CSPP1: variants seen among roughly 807,000 people sequenced by gnomAD.
The protein encoded by CSPP1 is centrosome and spindle pole associated protein 1.
In CSPP1, 126 loss-of-function variants were observed where a neutral mutation model predicts 164.4. That is an observed-to-expected ratio of 0.77 (90% confidence interval 0.66 to 0.89). CSPP1 has a LOEUF of 0.89. CSPP1 is among the 40% of genes least tolerant of loss of function. The probability of loss-of-function intolerance (pLI) is 0.00; values close to 1 mark genes in which losing one functional copy is unlikely to be tolerated. For synonymous variants in CSPP1, 472 were observed against 476.7 expected, an observed-to-expected ratio of 0.99 and a Z score of 0.13; for missense variants, 1,395 against 1,449.8, an observed-to-expected ratio of 0.96 and a Z score of 0.61.
chr8:67,105,747 C>T (rs1815368127), intron 8 of CSPP1, among the ~76,000 whole-genome samples, 158 bp from the exon 9 acceptor site: 1 of 152,082 alleles, frequency 6.6e-6, no homozygotes, highest in African/African-American at 2.4e-5. Context: ...AGATAGAATG[C>T]CATGATTTTA....
intron 15 of CSPP1, among the ~76,000 whole-genome samples, chr8:67,124,374 C>A (rs946750351): frequency 6.6e-6 from 1 of 152,122 alleles, no homozygotes; most frequent in Non-Finnish European, 1.5e-5. Flanking sequence ...CAAACCTTTT[C>A]TCTAATATAA....
intron 21 of CSPP1, among the ~76,000 whole-genome samples, chr8:67,159,852 T>TTTC (rs1827491283): frequency 1.3e-4 from 6 of 47,596 alleles, no homozygotes; most frequent in East Asian, 1.1e-3. Flanking sequence ...CTTTCTTTCT[T>TTTC]TTTCTTTCTT....
At chr8:67,104,598 CT>C (rs765234745) in intron 8 of CSPP1, among the ~76,000 whole-genome samples, 5 of 150,154 alleles carry the variant, frequency 3.3e-5, no homozygotes, top group South Asian at 4.2e-4. Context: ...CTTTCTTTTC[CT>C]TTTTTTTTAT....
intron 15 of CSPP1, among the ~76,000 whole-genome samples, chr8:67,124,598 TCAAA>T (rs374291576): frequency 5.8e-4 from 88 of 152,226 alleles, no homozygotes; most frequent in African/African-American, 1.9e-3. Context: ...ACTCCTGGGC[TCAAA>T]CAGTCTTCCC....
intron 22 of CSPP1, among the ~76,000 whole-genome samples, chr8:67,163,363 G>A (rs1247784070): frequency 1.3e-5 from 2 of 152,126 alleles, no homozygotes; most frequent in Admixed American, 6.6e-5. Context: ...AAGAAAGGGA[G>A]AGGTTTTTAC....
intron 21 of CSPP1, among the ~76,000 whole-genome samples, chr8:67,161,455 A>G (rs1056775361): frequency 6.6e-6 from 1 of 152,104 alleles, no homozygotes; most frequent in Non-Finnish European, 1.5e-5. Context: ...GGATTTTGTT[A>G]TTTAATTTTT....
chr8:67,094,856 A>C (rs947501394), intron 6 of CSPP1, among the ~76,000 whole-genome samples: 27 of 152,266 alleles, frequency 1.8e-4, no homozygotes, highest in Admixed American at 9.8e-4. Context: ...CTGTCTCCAG[A>C]TCTTCCTGAC....
At chr8:67,084,062 T>C (rs1248556865) in intron 3 of CSPP1, 1 of 152,192 alleles carries the variant, frequency 6.6e-6, no homozygotes. Context: ...TTTAGTTTTA[T>C]ATATGATGTT....
At chr8:67,192,239 T>C (rs1347882580) in intron 29 of CSPP1, among the ~76,000 whole-genome samples, 1 of 152,094 alleles carries the variant, frequency 6.6e-6, no homozygotes, top group Non-Finnish European at 1.5e-5. Context: ...CACGCCTGGC[T>C]AAGTTTTGTA....
At chr8:67,118,710 A>C in intron 14 of CSPP1, 33 bp from the exon 15 acceptor site, 1 of 1,439,292 alleles carries the variant, frequency 6.9e-7, no homozygotes, top group Non-Finnish European at 9.6e-7. Flanking sequence ...TATTCTAAAT[A>C]AACTTTTTTT....
chr8:67,144,539 A>C (rs1824112250), intron 17 of CSPP1, among the ~76,000 whole-genome samples: 1 of 152,100 alleles, frequency 6.6e-6, no homozygotes. Flanking sequence ...TCCTAGGCCG[A>C]AGCAATTCTG....
intron 29 of CSPP1, 52 bp downstream of exon 29, chr8:67,190,811 GGGTT>G: frequency 1.5e-6 from 2 of 1,330,394 alleles, no homozygotes; most frequent in Non-Finnish European, 2.2e-6. Context: ...TGAGAGGTCT[GGGTT>G]CTGACCTGTG....
chr8:67,096,565 C>CAAA (rs531704184), intron 7 of CSPP1, among the ~76,000 whole-genome samples: 1 of 117,014 alleles, frequency 8.5e-6, no homozygotes, highest in Non-Finnish European at 1.8e-5. Context: ...ACTCTGTCTC[C>CAAA]AAAAAAAAAA....
In CSPP1 at chr8:67,159,129, G is replaced by A. The variant is rs909732603; in HGVS notation, c.2530G>A (p.Glu844Lys). ...YCERDNLIGE[E>K]TKHMRQPSPI... ...TGAAAGAGACAATTTGATTGGGGAA[G>A]AAACAAAGGTAAGTTTCAGACAAAA... Residue 844 changes from glutamate (E) to lysine (K), a missense_variant, in exon 21 of 31, where the codon GAA becomes AAA. Coordinates refer to ENST00000678616, the MANE Select transcript of CSPP1 (RefSeq NM_001382391.1). 25 of 1,596,950 alleles carry A rather than the reference G, an allele frequency of 1.6e-5. No individual in the cohort carries two copies. Among genetic ancestry groups the A allele is most frequent in the Middle Eastern group, 1.7e-4 (1 of 5,994 alleles).
At chr8:67,192,271 C>T (rs996433322) in intron 29 of CSPP1, among the ~76,000 whole-genome samples, 1 of 152,002 alleles carries the variant, frequency 6.6e-6, no homozygotes. Context: ...GTTGGGGTTT[C>T]GCCATGTTGG....
intron 15 of CSPP1, among the ~76,000 whole-genome samples, chr8:67,125,161 G>A (rs1046149708): frequency 1.3e-5 from 2 of 152,104 alleles, no homozygotes; most frequent in African/African-American, 2.4e-5. Context: ...TTACAGAACA[G>A]GTCTCTTAGT....
chr8:67,111,876 A>G (rs1816915130), intron 9 of CSPP1, 96 bp from the exon 10 acceptor site: 1 of 641,948 alleles, frequency 1.6e-6, no homozygotes, highest in Non-Finnish European at 2.7e-6. Flanking sequence ...TAGTAATTAT[A>G]TGATACAATT....
At chr8:67,164,243 A>G in intron 23 of CSPP1, 148 bp from the exon 24 acceptor site, 3 of 567,810 alleles carry the variant, frequency 5.3e-6, no homozygotes, top group Non-Finnish European at 6.2e-6. Context: ...TGATCCATGT[A>G]TGTGTGTATA....
At chr8:67,123,500 G>A (rs2129552406) in intron 15 of CSPP1, among the ~76,000 whole-genome samples, 1 of 152,236 alleles carries the variant, frequency 6.6e-6, no homozygotes, top group Non-Finnish European at 1.5e-5. Flanking sequence ...TATGTAGACA[G>A]AATGCAGTTA....
Sources: gnomAD v4.1 joint callset for allele counts (sites outside exome capture counted in the v4.1 genomes callset) on GRCh38, gnomAD v4.1.1 for gene constraint, MANE v1.5 for transcripts, NCBI Gene and HGNC (gene_info 2026-07-23, HGNC 2026-07-21) for gene names.